The following MYH9 variants were observed in gnomAD, a reference collection of about 807,000 sequenced individuals.
MYH9 encodes the protein myosin heavy chain 9.
Under a neutral mutation model 241.9 loss-of-function variants are expected in MYH9, and 29 were observed. That is an observed-to-expected ratio of 0.12 (90% CI 0.09 to 0.16). MYH9 has a LOEUF of 0.16. MYH9 is among the 10% of genes least tolerant of loss of function. The pLI, the probability that MYH9 is intolerant of heterozygous loss-of-function variation, is 1.00. For missense variants in MYH9, 1,803 were observed against 2,595.5 expected (o/e 0.69, Z 6.63); for synonymous variants, 1,047 against 1,062.6 (o/e 0.99, Z 0.29).
chr22:36,294,056 C>T (rs1214379543), intron 28 of MYH9, 36 bp downstream of exon 28: 11 of 1,602,448 alleles, frequency 6.9e-6, no homozygotes, highest in Admixed American at 1.7e-5. Flanking sequence ...CTGCTAGGGC[C>T]CACTGCCCGC....
At chr22:36,290,411 A>G (rs563464638) in intron 31 of MYH9, among the ~76,000 whole-genome samples, 8 of 151,936 alleles carry the variant, frequency 5.3e-5, no homozygotes, top group Non-Finnish European at 1.2e-4. Context: ...ATAATAATGT[A>G]ATGATATAAT....
chr22:36,384,726 C>G (rs1376129372), intron 1 of MYH9, among the ~76,000 whole-genome samples: 1 of 141,694 alleles, frequency 7.1e-6, no homozygotes, highest in Non-Finnish European at 1.5e-5. Context: ...AGGGTAGGAT[C>G]TTGATTCCCA....
At chr22:36,314,037 G>A in intron 13 of MYH9, 108 bp downstream of exon 13, 1 of 1,388,294 alleles carries the variant, frequency 7.2e-7, no homozygotes, top group Non-Finnish European at 1.0e-6. Context: ...CAAAAGGAAG[G>A]GGAGTTAAGA....
At chr22:36,290,898 A>C (rs1461428060) in intron 31 of MYH9, among the ~76,000 whole-genome samples, 4 of 123,202 alleles carry the variant, frequency 3.2e-5, no homozygotes, top group East Asian at 2.5e-4. Flanking sequence ...AAGTGAGGAG[A>C]CCCTCTGCCT....
chr22:36,300,105 A>G lies in MYH9; in HGVS notation c.2976+22T>C, dbSNP rs1477856840. 1.2e-6 allele frequency: 2 copies of G among 1,608,138 alleles called. No individual in the cohort carries two copies. Among genetic ancestry groups the G allele is most frequent in the East Asian group, 2.2e-5 (1 of 44,886 alleles). On this transcript the variant is annotated intron_variant, in intron 23 of 40. Coordinates refer to ENST00000216181, the MANE Select transcript of MYH9 (RefSeq NM_002473.6). The surrounding 1 kb of genome is among the most constrained non-coding windows in gnomAD (Gnocchi z 5.0). ...TCCACGGCGCCCCTGGAGCAGCGGC[A>G]GGCGACAGCCACGGGCCTCACCTTG... is the stretch of plus-strand genomic sequence containing the variant.
At chr22:36,307,460 G>A (rs1168524666) in intron 15 of MYH9, among the ~76,000 whole-genome samples, 1 of 152,248 alleles carries the variant, frequency 6.6e-6, no homozygotes, top group Non-Finnish European at 1.5e-5. Context: ...GGATATAAAA[G>A]TGAAGAATAC....
In MYH9 at chr22:36,301,687, G is replaced by C; in HGVS notation, c.2500-22C>G. The C allele has an allele frequency of 1.9e-6, 3 of 1,611,722 alleles. No individual in the cohort carries two copies. In the South Asian group the frequency reaches 3.3e-5, roughly 18 times the overall value. On this transcript the variant is annotated intron_variant, in intron 20 of 40. Coordinates refer to ENST00000216181, the MANE Select transcript of MYH9 (RefSeq NM_002473.6). ...TGACCTGGGAGAGGAGATAGAGGTAGAGACATGCTCGGCTGGAAGATGCCC... is the reference window on the plus strand; with the variant it reads ...TGACCTGGGAGAGGAGATAGAGGTACAGACATGCTCGGCTGGAAGATGCCC...
In MYH9 at chr22:36,295,020, T is replaced by C. The variant is rs1279964083; in HGVS notation, c.3542A>G (p.Lys1181Arg). The C allele has an allele frequency of 1.2e-6, 2 of 1,614,224 alleles. No individual in the cohort carries two copies. The highest frequency in any genetic ancestry group is 1.7e-6 in the Non-Finnish European group (2 of 1,180,046). ...CTCCTGGATCTGGGCCTCGTGGGTC[T>C]TGGCCTCCTCCTCCAGGGTCTTCTT... Reference protein sequence around the residue: ...ILKKTLEEEAKTHEAQIQEMR... With the variant: ...ILKKTLEEEARTHEAQIQEMR... Residue 1181 changes from lysine to arginine, a missense_variant, in exon 27 of 41, where the codon AAG (lysine) becomes AGG (arginine). Physicochemically the swap from Lys to Arg is conservative, Grantham distance 26. This residue lies in a region of MYH9 where 876 missense variants were observed against 1,077.8 expected (regional missense o/e 0.81). Coordinates refer to ENST00000216181, the MANE Select transcript of MYH9 (RefSeq NM_002473.6). The surrounding 1 kb of genome is among the most constrained non-coding windows in gnomAD (Gnocchi z 4.1).
chr22:36,316,309 C>T (rs769243503), intron 12 of MYH9, among the ~76,000 whole-genome samples: 2 of 150,552 alleles, frequency 1.3e-5, no homozygotes, highest in Non-Finnish European at 2.9e-5. Flanking sequence ...GCTGGGATTA[C>T]AGGCATGAGC....
intron 1 of MYH9, among the ~76,000 whole-genome samples, chr22:36,364,064 G>A (rs2017974111): frequency 6.6e-6 from 1 of 152,214 alleles, no homozygotes; most frequent in Admixed American, 6.5e-5. Flanking sequence ...CAGTGGGAAA[G>A]TGCAGCATGA....
chr22:36,374,984 C>G (rs1311814576), intron 1 of MYH9, among the ~76,000 whole-genome samples: 1 of 152,174 alleles, frequency 6.6e-6, no homozygotes, highest in African/African-American at 2.4e-5. Context: ...CAGACTCCCC[C>G]CTGCCTTCTC....
At chr22:36,312,370 G>C (rs1043336655) in intron 13 of MYH9, 148 bp from the exon 14 acceptor site, 1 of 785,714 alleles carries the variant, frequency 1.3e-6, no homozygotes, top group East Asian at 2.7e-5. Flanking sequence ...CACTGTTGAA[G>C]ATTTCTAGCT....
At chr22:36,340,674 AAAAG>A (rs1004365438) in intron 3 of MYH9, among the ~76,000 whole-genome samples, 20 of 152,076 alleles carry the variant, frequency 1.3e-4, no homozygotes, top group Middle Eastern at 3.4e-3. Context: ...AAAAAAAAAA[AAAAG>A]AAAGAAAGGA....
Position 36,293,211 on chromosome 22 carries a change from G to C in MYH9, c.4095+118C>G. ...GTGGGAGAGCACGGTTGGCTTCCCA[G>C]GGGGAGAGCAGCAATGGGCCGGCCC... On this transcript the variant is annotated intron_variant, in intron 30 of 40. Transcript: ENST00000216181. The surrounding 1 kb of genome is among the most constrained non-coding windows in gnomAD (Gnocchi z 5.1). 2 of 1,377,016 alleles carry C rather than the reference G, an allele frequency of 1.5e-6. No homozygotes were observed. The highest frequency in any genetic ancestry group is 2.0e-6 in the Non-Finnish European group (2 of 993,530). 85.3% of individuals were successfully genotyped at this position (1,377,016 alleles called of 1,614,324 possible).
chr22:36,380,741 C>CA (rs869191333), intron 1 of MYH9, among the ~76,000 whole-genome samples: 1 of 146,114 alleles, frequency 6.8e-6, no homozygotes, highest in African/African-American at 2.6e-5. Flanking sequence ...ACTCTGTCTC[C>CA]AAAAAAAGAA....
At chr22:36,370,282 A>T (rs537705260) in intron 1 of MYH9, among the ~76,000 whole-genome samples, 23 of 152,312 alleles carry the variant, frequency 1.5e-4, no homozygotes, top group Non-Finnish European at 3.1e-4. Flanking sequence ...CACGCCCATC[A>T]TGCTGGTGAG....
chr22:36,293,323 C>T lies in MYH9; in HGVS notation c.4095+6G>A. 1.2e-6 allele frequency: 2 copies of T among 1,613,970 alleles called. No individual in the cohort carries two copies. The highest frequency in any genetic ancestry group is 1.7e-6 in the Non-Finnish European group (2 of 1,180,018). Reference sequence around the variant, plus strand: ...AGAGTCCGGCCGGTCCCCCAGGCCTCCAAACCTGGGCATGGAGGGTGGCGA... The same window carrying T: ...AGAGTCCGGCCGGTCCCCCAGGCCTTCAAACCTGGGCATGGAGGGTGGCGA... On this transcript the variant is annotated splice_donor_region_variant and intron_variant, in intron 30 of 40. Transcript: ENST00000216181. This position sits in a 1 kb window ranked among gnomAD's most constrained non-coding sequence, Gnocchi z 5.1.
At chr22:36,314,802 T>C (rs1225311167) in intron 12 of MYH9, among the ~76,000 whole-genome samples, 1 of 152,060 alleles carries the variant, frequency 6.6e-6, no homozygotes, top group South Asian at 2.1e-4. Flanking sequence ...GCACACACTA[T>C]GGTACATGGC....
intron 3 of MYH9, among the ~76,000 whole-genome samples, chr22:36,340,561 T>C (rs1179342942): frequency 6.6e-6 from 1 of 151,270 alleles, no homozygotes; most frequent in Non-Finnish European, 1.5e-5. Context: ...CTAGGGGGGC[T>C]GAGGCAAGAG....
Sources: allele counts gnomAD v4.1 joint callset (sites outside exome capture counted in the v4.1 genomes callset), GRCh38; gene constraint gnomAD v4.1.1; regional missense constraint gnomAD v4.1.1; non-coding constraint Gnocchi (gnomAD v3.1); transcripts MANE v1.5; gene names NCBI Gene and HGNC (gene_info 2026-07-23, HGNC 2026-07-21).